The following KLHDC4 variants were observed in gnomAD, a reference collection of about 807,000 sequenced individuals.
KLHDC4 encodes the protein kelch domain containing 4.
Under a neutral mutation model 62.4 loss-of-function variants are expected in KLHDC4, and 90 were observed. That is an observed-to-expected ratio of 1.44 (90% CI 1.22 to 1.72). KLHDC4 has a LOEUF of 1.72. KLHDC4 is among the 40% of genes most tolerant of loss of function. The pLI is 0.00. For missense variants in KLHDC4, 1,025 were observed against 699.7 expected (o/e 1.47, Z -5.25); for synonymous variants, 386 against 284.4 (o/e 1.36, Z -3.59).
intron 5 of KLHDC4, among the ~76,000 whole-genome samples, chr16:87,733,568 G>T (rs2040774831): frequency 6.6e-6 from 1 of 152,010 alleles, no homozygotes; most frequent in Non-Finnish European, 1.5e-5. Context: ...CACTCCCTGG[G>T]ATCCTCACTG....
chr16:87,723,977 C>T (rs1167545611), intron 7 of KLHDC4, among the ~76,000 whole-genome samples: 1 of 152,182 alleles, frequency 6.6e-6, no homozygotes, highest in Non-Finnish European at 1.5e-5. Context: ...GCTGGGATTA[C>T]AGGCACGCCC....
At chr16:87,702,129 G>A (rs753477226) in exon 1 of KLHDC4, 1 of 456,210 alleles carries the variant, frequency 2.2e-6, no homozygotes, top group South Asian at 1.5e-5. Context: ...GCATGATCGT[G>A]TGTGGAACAG....
At chr16:87,760,568 C>G (rs372101899) in intron 2 of KLHDC4, among the ~76,000 whole-genome samples, 32 of 140,980 alleles carry the variant, frequency 2.3e-4, no homozygotes, top group African/African-American at 7.8e-4. Context: ...GATGGCGCCA[C>G]TGTACTCCAG....
chr16:87,721,793 T>C (rs1002501765), intron 7 of KLHDC4, among the ~76,000 whole-genome samples: 2 of 152,238 alleles, frequency 1.3e-5, no homozygotes, highest in African/African-American at 4.8e-5. Context: ...TGGTTATGCA[T>C]GGACGTTATC....
Position 87,707,940 on chromosome 16 carries a change from C to G in KLHDC4, c.*137G>C, listed in dbSNP as rs2034969370. On this transcript the variant is annotated 3_prime_UTR_variant, in exon 12 of 12. Transcript: ENST00000270583. ...TAAACCATGGGAGAAAGTTCACACC[C>G]TGGCCTGGGCCACCCACCTTCAGCT... is the stretch of plus-strand genomic sequence containing the variant. 1 of 465,586 alleles carries G rather than the reference C, an allele frequency of 2.1e-6. No individual in the cohort carries two copies. The highest frequency in any genetic ancestry group is 2.0e-5 in the African/African-American group (1 of 50,584). 28.8% of individuals were successfully genotyped at this position (465,586 alleles called of 1,614,324 possible).
At chr16:87,747,006 G>A (rs576434014) in intron 5 of KLHDC4, among the ~76,000 whole-genome samples, 2 of 152,370 alleles carry the variant, frequency 1.3e-5, no homozygotes, top group Non-Finnish European at 2.9e-5. Context: ...GCTGCCATCC[G>A]CAGCTGCCGG....
Position 87,724,066 on chromosome 16 carries a change from G to C in KLHDC4, c.759+2699C>G, listed in dbSNP as rs1004831226. 6.4e-4 allele frequency among the ~76,000 whole-genome samples: 97 copies of C among 152,140 alleles called. 2 individuals are homozygous for C. The highest frequency in any genetic ancestry group is 1.3e-4 in the Non-Finnish European group (9 of 68,034). ...TTGGCCAGGCTGATCTCGAACTCCT[G>C]ACCTCGAGTGATCCGCCCGACTCAG... On this transcript the variant is annotated intron_variant, in intron 7 of 11. Transcript: ENST00000270583.
At chr16:87,702,488 C>T in exon 1 of KLHDC4, 1 of 358,486 alleles carries the variant, frequency 2.8e-6, no homozygotes, top group Non-Finnish European at 5.5e-6. Context: ...TCAGAGCACA[C>T]TTCTCCGGCA....
At chr16:87,701,804 G>A (rs1222620846) in exon 1 of KLHDC4, 5 of 456,586 alleles carry the variant, frequency 1.1e-5, no homozygotes, top group African/African-American at 8.0e-5. Flanking sequence ...TGTGCCCCAT[G>A]GGACAGAGGC....
chr16:87,713,245 G>A (rs1381442321), intron 8 of KLHDC4, among the ~76,000 whole-genome samples: 1 of 151,926 alleles, frequency 6.6e-6, no homozygotes, highest in African/African-American at 2.4e-5. Flanking sequence ...TGTCGCCCAG[G>A]CTGGAGTGCG....
In KLHDC4 at chr16:87,765,876, G is replaced by T; in HGVS notation, c.15C>A (p.Gly5=). ...CGCCGCGGCCCTTCTTCTCCTTCTT[G>T]CCCTTCTTGCCCATCTTGCCGGGTC... is the stretch of plus-strand genomic sequence containing the variant. MGKK[G]KKEKKGRGAE... The change falls in exon 1 of 12, where the codon GGC becomes GGA. Residue 5 remains glycine, a synonymous_variant. Transcript: ENST00000270583. 1 of 1,550,792 alleles carries T rather than the reference G, an allele frequency of 6.4e-7. No individual in the cohort carries two copies. Among genetic ancestry groups the T allele is most frequent in the Non-Finnish European group, 8.7e-7 (1 of 1,146,416 alleles).
At chr16:87,734,665 C>A (rs1033184050) in intron 5 of KLHDC4, among the ~76,000 whole-genome samples, 1 of 152,176 alleles carries the variant, frequency 6.6e-6, no homozygotes, top group South Asian at 2.1e-4. Flanking sequence ...TTCTATTAAT[C>A]CAACCCGGAG....
At chr16:87,713,848 A>G (rs1218588279) in intron 8 of KLHDC4, among the ~76,000 whole-genome samples, 1 of 152,208 alleles carries the variant, frequency 6.6e-6, no homozygotes, top group Admixed American at 6.5e-5. Context: ...TTTAGTAAGA[A>G]AATTTTGATT....
At chr16:87,702,812 T>C (rs2034212805), downstream of KLHDC4, among the ~76,000 whole-genome samples, 1 of 152,228 alleles carries the variant, frequency 6.6e-6, no homozygotes, top group South Asian at 2.1e-4. Context: ...TGCTTGCTAA[T>C]ACTGTGTACA....
intron 8 of KLHDC4, among the ~76,000 whole-genome samples, chr16:87,713,591 G>T (rs1360513033): frequency 6.6e-6 from 1 of 151,880 alleles, no homozygotes. Context: ...ACACAGGCAC[G>T]GCTTCTTCCG....
intron 6 of KLHDC4, among the ~76,000 whole-genome samples, chr16:87,728,417 C>G (rs2039757375): frequency 6.6e-6 from 1 of 152,046 alleles, no homozygotes. Flanking sequence ...AATATTTTCT[C>G]TATAAATGCA....
chr16:87,753,236 G>A (rs1327427344), intron 4 of KLHDC4, among the ~76,000 whole-genome samples: 1 of 152,238 alleles, frequency 6.6e-6, no homozygotes, highest in Non-Finnish European at 1.5e-5. Flanking sequence ...CACCCTGGGA[G>A]GGTGAGACCA....
intron 7 of KLHDC4, among the ~76,000 whole-genome samples, chr16:87,718,286 TCTCCCTCTCCCTCTCCCTCCCCCTCTCC>T (rs2037407766): frequency 8.7e-6 from 1 of 114,860 alleles, no homozygotes; most frequent in Non-Finnish European, 1.8e-5. Context: ...TCGCTCTCGC[TCTCCCTCTCCCTCTCCCTCCCCCTCTCC>T]CTCCCCCTCC....
At chr16:87,736,098 A>G (rs1599799) in intron 5 of KLHDC4, among the ~76,000 whole-genome samples, 21,451 of 152,204 alleles carry the variant, frequency 0.14, 2,592 homozygotes, top group African/African-American at 0.33. Flanking sequence ...ACAACACATC[A>G]TTAGGCGACC....
Sources: allele counts gnomAD v4.1 joint callset (sites outside exome capture counted in the v4.1 genomes callset), GRCh38; gene constraint gnomAD v4.1.1; transcripts MANE v1.5; gene names NCBI Gene and HGNC (gene_info 2026-07-23, HGNC 2026-07-21).